CCDC69: variants seen among roughly 807,000 people sequenced by gnomAD.
The protein encoded by CCDC69 is coiled-coil domain containing 69.
A neutral mutation model predicts 40.3 loss-of-function variants in CCDC69; 38 were observed. The ratio of observed to expected loss-of-function variants is 0.94; its 90% CI spans 0.73 to 1.24. The LOEUF (loss-of-function observed/expected upper bound fraction) is 1.24, where lower values mean the gene tolerates loss of function less well. Among genes scored for constraint, CCDC69 ranks in the 50% most tolerant of loss-of-function variants. The probability of loss-of-function intolerance (pLI) is 0.00; values close to 1 mark genes in which losing one functional copy is unlikely to be tolerated. For missense variants in CCDC69, 389 were observed against 357.9 expected, an observed-to-expected ratio of 1.09 and a Z score of -0.70; for synonymous variants, 141 against 138.9, an observed-to-expected ratio of 1.02 and a Z score of -0.11.
intron 2 of CCDC69, among the ~76,000 whole-genome samples, chr5:151,205,097 T>C (rs1752834420): frequency 6.6e-6 from 1 of 151,460 alleles, no homozygotes; most frequent in African/African-American, 2.4e-5. Flanking sequence ...TAGGACATGT[T>C]TTCCAGATTC....
chr5:151,202,347 C>T (rs570274327), intron 2 of CCDC69, among the ~76,000 whole-genome samples: 8 of 152,088 alleles, frequency 5.3e-5, no homozygotes, highest in South Asian at 4.1e-4. Context: ...CGCAACAGAG[C>T]GAGATCCTGT....
rs370300431 is a variant in CCDC69 at position 151,223,905 on chromosome 5, T to G, written c.48+18A>C. 1.6e-5 allele frequency: 25 copies of G among 1,589,318 alleles called. No homozygotes were observed. In the African/African-American group the frequency reaches 3.3e-4, roughly 21 times the overall value. On this transcript the variant is annotated intron_variant, in intron 1 of 8. Coordinates refer to ENST00000355417, the MANE Select transcript of CCDC69 (RefSeq NM_015621.3). Reference sequence around the variant, plus strand: ...CCCCTCTCCTCTGAAAGCAAACTTCTCCGCCGGCGCCCTTTACCTTTTTCG... The same window carrying G: ...CCCCTCTCCTCTGAAAGCAAACTTCGCCGCCGGCGCCCTTTACCTTTTTCG...
intron 1 of CCDC69, among the ~76,000 whole-genome samples, chr5:151,219,950 C>T (rs935584407): frequency 6.6e-6 from 1 of 152,112 alleles, no homozygotes; most frequent in Non-Finnish European, 1.5e-5. Context: ...ACTTATTCCT[C>T]ATGAGTAGAA....
intron 1 of CCDC69, among the ~76,000 whole-genome samples, chr5:151,221,003 C>T (rs1753127330): frequency 6.6e-6 from 1 of 152,104 alleles, no homozygotes; most frequent in Non-Finnish European, 1.5e-5. Context: ...TAGGCAGGAC[C>T]ACACGATCCA....
In CCDC69 at chr5:151,222,569, C is replaced by A. The variant is rs532950394; in HGVS notation, c.48+1354G>T. Reference sequence around the variant, plus strand: ...GGAGAAACTGAGACCCAGGGAGACACAAGGGCTTGCTTGGGGTCACCCAGT... The same window carrying A: ...GGAGAAACTGAGACCCAGGGAGACAAAAGGGCTTGCTTGGGGTCACCCAGT... On this transcript the variant is annotated intron_variant, in intron 1 of 8. Coordinates refer to ENST00000355417, the MANE Select transcript of CCDC69 (RefSeq NM_015621.3). Among the ~76,000 whole-genome samples the A allele has an allele frequency of 2.0e-5, 3 of 152,352 alleles. No individual in the cohort carries two copies. The South Asian group carries it at 6.2e-4, about 32-fold the overall frequency.
At chr5:151,194,891 C>CAAAAAAAA (rs59836328) in intron 4 of CCDC69, among the ~76,000 whole-genome samples, 3 of 92,298 alleles carry the variant, frequency 3.3e-5, no homozygotes, top group African/African-American at 8.8e-5. Context: ...GCCTCCATCT[C>CAAAAAAAA]AAAAAAAAAA....
rs1561603246 is a variant in CCDC69, at chr5:151,207,322, C to CG, written c.49-1848dup. Among the ~76,000 whole-genome samples, 6 of 151,460 alleles carry CG rather than the reference C, an allele frequency of 4.0e-5. No individual in the cohort carries two copies. In the South Asian group the frequency reaches 1.3e-3, roughly 32 times the overall value. On this transcript the variant is annotated intron_variant, in intron 1 of 8. Transcript: ENST00000355417. ...ATTATTATTATTTTAGATGGAGTCT[C>CG]GCTCTGTCACCCAGGCTGGAGTGCA...
Position 151,187,371 on chromosome 5 carries a change from C to T in CCDC69, c.393+15G>A. On this transcript the variant is annotated intron_variant, in intron 5 of 8. Transcript: ENST00000355417. ...TTACCCTTATCCAAGACTGACACGACCCAGCCCCTCTCACCTGCTGGGTAG... is the reference window on the plus strand; with the variant it reads ...TTACCCTTATCCAAGACTGACACGATCCAGCCCCTCTCACCTGCTGGGTAG... 1 of 1,612,892 alleles carries T rather than the reference C, an allele frequency of 6.2e-7. No homozygotes were observed. Among genetic ancestry groups the T allele is most frequent in the Non-Finnish European group, 8.5e-7 (1 of 1,179,026 alleles).
At chr5:151,208,850 C>T (rs1752889241) in intron 1 of CCDC69, among the ~76,000 whole-genome samples, 1 of 152,232 alleles carries the variant, frequency 6.6e-6, no homozygotes, top group African/African-American at 2.4e-5. Context: ...CTTCTGCTTC[C>T]TCCTCTGTGA....
intron 1 of CCDC69, among the ~76,000 whole-genome samples, chr5:151,215,993 C>A (rs1170352333): frequency 2.8e-4 from 43 of 152,250 alleles, no homozygotes; most frequent in Admixed American, 2.8e-3. Context: ...TATTTCTTTT[C>A]TGTCACCCAG....
At position 151,185,492 on chromosome 5, in the gene CCDC69, T is replaced by A; in HGVS notation, c.545A>T (p.His182Leu). ...QFWEQELESL[H>L]FVIEMKNERI... is the part of the protein sequence containing the mutation. ...CTCATTCTTCATCTCGATGACAAAG[T>A]GTAAGCTCTCCAGCTCCTGCTCCCA... The change falls in exon 7 of 9, where the codon CAC (histidine) becomes CTC (leucine). Residue 182 changes from histidine to leucine, a missense_variant. Transcript: ENST00000355417. The A allele has an allele frequency of 6.2e-7, 1 of 1,614,002 alleles. No homozygotes were observed. Among genetic ancestry groups the A allele is most frequent in the Non-Finnish European group, 8.5e-7 (1 of 1,179,928 alleles).
chr5:151,181,982 G>A lies in CCDC69; in HGVS notation c.*1455C>T, dbSNP rs1766637986. On this transcript the variant is annotated 3_prime_UTR_variant, in exon 9 of 9. Coordinates refer to ENST00000355417, the MANE Select transcript of CCDC69 (RefSeq NM_015621.3). ...CTAAACCTAGAAACAGAAGGAGACT[G>A]TACACAGGGGAATACAGAAGGCAGT... The A allele has an allele frequency of 6.6e-6, 1 of 152,208 alleles. No individual in the cohort carries two copies. Among genetic ancestry groups the A allele is most frequent in the Admixed American group, 6.5e-5 (1 of 15,272 alleles). The allele number at this position is 152,208 out of a possible 1,614,324, so 9.4% of individuals were successfully genotyped here. A position where few individuals can be genotyped will look rare whatever the true frequency, so the allele number is the denominator to read the frequency against.
In CCDC69 at chr5:151,185,445, G is replaced by T; in HGVS notation, c.592C>A (p.Arg198=). 2 of 1,614,010 alleles carry T rather than the reference G, an allele frequency of 1.2e-6. No homozygotes were observed. Among genetic ancestry groups the T allele is most frequent in the Non-Finnish European group, 1.7e-6 (2 of 1,179,894 alleles). ...KNERIHELDR[R]LILMETVKEK... is the part of the protein sequence containing the mutation. The stretch of plus-strand genomic sequence containing the variant: ...ACCACTGTTTCCATGAGGATCAGCC[G>T]CCTGTCCAGCTCATGAATACGCTCA... The change falls in exon 7 of 9, where the codon CGG becomes AGG. Residue 198 remains arginine, a synonymous_variant. Coordinates refer to ENST00000355417, the MANE Select transcript of CCDC69 (RefSeq NM_015621.3).
intron 4 of CCDC69, 72 bp from the exon 5 acceptor site, chr5:151,187,531 C>T: frequency 8.0e-7 from 1 of 1,244,716 alleles, no homozygotes. Context: ...CCTTGGTGGC[C>T]AGGAAGGTCC....
At position 151,201,703 on chromosome 5, in the gene CCDC69, G is replaced by A. The variant is rs1752779218; in HGVS notation, c.125-15C>T. On this transcript the variant is annotated splice_polypyrimidine_tract_variant and intron_variant, in intron 2 of 8. Transcript: ENST00000355417. ...GACAGTTATAGCTAGAGATGAAAAA[G>A]CAAAAAAATAAAAATAAAAAAACTC... is the stretch of plus-strand genomic sequence containing the variant. 4 of 1,552,198 alleles carry A rather than the reference G, an allele frequency of 2.6e-6. No individual in the cohort carries two copies. The African/African-American group carries it at 4.2e-5, about 16-fold the overall frequency.
At chr5:151,211,598 A>G (rs1752951769) in intron 1 of CCDC69, among the ~76,000 whole-genome samples, 1 of 148,084 alleles carries the variant, frequency 6.8e-6, no homozygotes, top group African/African-American at 2.5e-5. Context: ...TCTTGGCTCA[A>G]TTGCAACCTC....
intron 1 of CCDC69, among the ~76,000 whole-genome samples, chr5:151,214,154 G>A (rs2114002454): frequency 6.6e-6 from 1 of 152,342 alleles, no homozygotes; most frequent in Admixed American, 6.5e-5. Flanking sequence ...AGCTTTATCT[G>A]AGTAGCTGAG....
intron 2 of CCDC69, among the ~76,000 whole-genome samples, chr5:151,203,061 C>T (rs1244440685): frequency 6.6e-6 from 1 of 152,160 alleles, no homozygotes; most frequent in Non-Finnish European, 1.5e-5. Flanking sequence ...TTATTACCCC[C>T]ATGCTACAGA....
intron 4 of CCDC69, among the ~76,000 whole-genome samples, chr5:151,198,305 T>G (rs991921341): frequency 1.4e-5 from 2 of 145,430 alleles, no homozygotes; most frequent in African/African-American, 2.6e-5. Flanking sequence ...TATCTATCTA[T>G]CTATCTATCT....
Sources: allele counts gnomAD v4.1 joint callset (sites outside exome capture counted in the v4.1 genomes callset), GRCh38; gene constraint gnomAD v4.1.1; transcripts MANE v1.5; gene names NCBI Gene and HGNC (gene_info 2026-07-23, HGNC 2026-07-21).